Variants in ZNF729 observed in about 807,000 individuals in gnomAD.
The protein encoded by ZNF729 is zinc finger protein 729.
ZNF729 carries 15 observed loss-of-function variants against 12.2 expected under a neutral mutation model. That is an observed-to-expected ratio of 1.23 (90% confidence interval 0.82 to 1.89). The LOEUF is 1.89. ZNF729 is among the 40% of genes most tolerant of loss of function. The pLI is 0.00. For missense variants in ZNF729, 1,540 were observed against 1,456.7 expected (o/e 1.06, Z -0.93); for synonymous variants, 492 against 476.3 (o/e 1.03, Z -0.43).
chr19:22,298,391 A>G (rs1342020246), intron 1 of ZNF729, among the ~76,000 whole-genome samples: 1 of 152,222 alleles, frequency 6.6e-6, no homozygotes, highest in Admixed American at 6.5e-5. Context: ...TACATTAGTT[A>G]TTTATACTTA....
intron 3 of ZNF729, among the ~76,000 whole-genome samples, chr19:22,306,065 C>T (rs2145052109): frequency 6.6e-6 from 1 of 152,226 alleles, no homozygotes; most frequent in Non-Finnish European, 1.5e-5. Context: ...GTCAGCCCAC[C>T]TTGGCCTCCC....
chr19:22,315,016 C>T lies in ZNF729; in HGVS notation c.1599C>T (p.Asn533=). The change falls in exon 4 of 4, where the codon AAC becomes AAT. Residue 533 remains asparagine, a synonymous_variant. Transcript: ENST00000601693. The part of the protein sequence containing the change: ...KAFSQSSTLR[N]HQIIHTGEKP... The stretch of plus-strand genomic sequence containing the variant: ...TTAGCCAGTCCTCAACCCTTAGAAA[C>T]CATCAGATAATTCATACTGGAGAGA... 1 of 1,584,284 alleles carries T rather than the reference C, an allele frequency of 6.3e-7. No individual in the cohort carries two copies. The highest frequency in any genetic ancestry group is 8.6e-7 in the Non-Finnish European group (1 of 1,168,164).
In ZNF729 at chr19:22,316,151, G is replaced by A. The variant is rs764572403; in HGVS notation, c.2734G>A (p.Glu912Lys). 7.6e-5 allele frequency: 120 copies of A among 1,578,540 alleles called. 2 individuals carry two copies. In the Middle Eastern group the frequency reaches 7.4e-3, roughly 98 times the overall value. The change falls in exon 4 of 4, where the codon GAA becomes AAA. Residue 912 changes from glutamate to lysine, a missense_variant. By Grantham distance (56) the Glu-to-Lys change is moderately conservative (BLOSUM62 1). Transcript: ENST00000601693. ...TGCAGAGAAACCCTGTAAATGTGAA[G>A]AATGTGGCAAAGCTTTTAAGCATTT... is the stretch of plus-strand genomic sequence containing the variant. The part of the protein sequence containing the change: ...HTAEKPCKCE[E>K]CGKAFKHFSA...
Position 22,315,596 on chromosome 19 carries a change from C to T in ZNF729, c.2179C>T (p.Leu727Phe), listed in dbSNP as rs762375942. ...CGKAFKWSSKLTVHKVIHTAE... is the reference protein window; with the variant it reads ...CGKAFKWSSKFTVHKVIHTAE... ...TAAAGCTTTTAAGTGGTCATCAAAA[C>T]TTACTGTACATAAGGTAATTCATAC... Residue 727 changes from leucine (L) to phenylalanine (F), a missense_variant, in exon 4 of 4, where the codon CTT (leucine) becomes TTT (phenylalanine). By Grantham distance (22) the Leu-to-Phe change is conservative (BLOSUM62 0). Transcript: ENST00000601693. The T allele has an allele frequency of 1.4e-5, 23 of 1,609,086 alleles. No homozygotes were observed. The South Asian group carries it at 1.9e-4, about 13-fold the overall frequency.
Position 22,314,700 on chromosome 19 carries a change from G to C in ZNF729, c.1283G>C (p.Gly428Ala). 6.2e-7 allele frequency: 1 copy of C among 1,612,750 alleles called. No individual in the cohort carries two copies. The highest frequency in any genetic ancestry group is 1.1e-5 in the South Asian group (1 of 91,040). Residue 428 changes from glycine (G) to alanine (A), a missense_variant, in exon 4 of 4, where the codon GGA becomes GCA. Coordinates refer to ENST00000601693, the MANE Select transcript of ZNF729 (RefSeq NM_001242680.2). The part of the protein sequence containing the change: ...TLKKHKIIHT[G>A]KKPYKCEECG... ...AAAAAACATAAGATAATTCATACTGGAAAGAAACCCTACAAATGTGAAGAA... is the reference window on the plus strand; with the variant it reads ...AAAAAACATAAGATAATTCATACTGCAAAGAAACCCTACAAATGTGAAGAA...
chr19:22,292,788 G>T (rs1461748168), intron 1 of ZNF729, among the ~76,000 whole-genome samples: 1 of 152,168 alleles, frequency 6.6e-6, no homozygotes, highest in African/African-American at 2.4e-5. Context: ...CATTTAGGTT[G>T]ATTCCATGTC....
At position 22,316,844 on chromosome 19, in the gene ZNF729, C is replaced by G; in HGVS notation, c.3427C>G (p.Gln1143Glu). 6.2e-7 allele frequency: 1 copy of G among 1,612,808 alleles called. No homozygotes were observed. The highest frequency in any genetic ancestry group is 8.5e-7 in the Non-Finnish European group (1 of 1,179,846). The change falls in exon 4 of 4, where the codon CAG becomes GAG. Residue 1143 changes from glutamine (Q) to glutamate (E), a missense_variant. Coordinates refer to ENST00000601693, the MANE Select transcript of ZNF729 (RefSeq NM_001242680.2). ...KCEECGKAFS[Q>E]SSILTKHKII... is the part of the protein sequence containing the mutation. ...TGAAGAATGTGGCAAAGCCTTTAGTCAGTCCTCAATCCTTACTAAACATAA... is the reference window on the plus strand; with the variant it reads ...TGAAGAATGTGGCAAAGCCTTTAGTGAGTCCTCAATCCTTACTAAACATAA...
rs1477444655 is a variant in ZNF729, at chr19:22,314,539, A to G, written c.1122A>G (p.Lys374=). The change falls in exon 4 of 4, where the codon AAA becomes AAG. Residue 374 remains lysine (K), a synonymous_variant. Coordinates refer to ENST00000601693, the MANE Select transcript of ZNF729 (RefSeq NM_001242680.2). ...RKHEIIHTGE[K]PYKCEECGKA... ...ATGAGATAATTCATACTGGAGAGAAACCCTACAAATGTGAAGAATGTGGTA... is the reference window on the plus strand; with the variant it reads ...ATGAGATAATTCATACTGGAGAGAAGCCCTACAAATGTGAAGAATGTGGTA... 6.2e-7 allele frequency: 1 copy of G among 1,611,696 alleles called. No individual in the cohort carries two copies. Among genetic ancestry groups the G allele is most frequent in the Non-Finnish European group, 8.5e-7 (1 of 1,179,746 alleles).
intron 3 of ZNF729, among the ~76,000 whole-genome samples, chr19:22,311,993 A>C (rs544985649): frequency 1.3e-5 from 2 of 151,970 alleles, no homozygotes; most frequent in South Asian, 2.1e-4. Context: ...ATATTTTGTC[A>C]TATGTAAGAA....
intron 1 of ZNF729, among the ~76,000 whole-genome samples, chr19:22,294,465 A>G (rs1046304876): frequency 3.9e-5 from 6 of 151,994 alleles, no homozygotes; most frequent in Admixed American, 2.6e-4. Context: ...TTTTCCTTCC[A>G]TATGAATTTT....
intron 1 of ZNF729, among the ~76,000 whole-genome samples, chr19:22,287,609 C>T (rs556280902): frequency 1.3e-5 from 2 of 151,960 alleles, no homozygotes; most frequent in African/African-American, 4.8e-5. Context: ...ACTAGAGCCA[C>T]CTCAGTCTAA....
intron 1 of ZNF729, among the ~76,000 whole-genome samples, chr19:22,302,836 C>T (rs374509091): frequency 1.3e-5 from 2 of 151,084 alleles, no homozygotes; most frequent in African/African-American, 2.4e-5. Flanking sequence ...ATTTCTAGAG[C>T]GGGAGTGCAG....
rs146356212 is a variant in ZNF729 at position 22,294,957 on chromosome 19, G to A, written c.30+8402G>A. ...CAGGCATGAGCTACCGTGCCTGGCC[G>A]TCTGTGACTCTTTAAGCAGTGTTTT... On this transcript the variant is annotated intron_variant, in intron 1 of 3. Transcript: ENST00000601693. Among the ~76,000 whole-genome samples the A allele has an allele frequency of 1.7e-3, 260 of 151,786 alleles. 1 individual carries two copies. The highest frequency in any genetic ancestry group is 5.9e-3 in the African/African-American group (243 of 41,396).
intron 1 of ZNF729, 25 bp downstream of exon 1, chr19:22,286,580 C>T: frequency 6.2e-7 from 1 of 1,613,916 alleles, no homozygotes; most frequent in South Asian, 1.1e-5. Context: ...TCCGACATCC[C>T]GAGAAGGGGA....
intron 3 of ZNF729, among the ~76,000 whole-genome samples, chr19:22,307,316 ATTTTTTTT>A (rs35650592): frequency 4.6e-4 from 44 of 95,298 alleles, no homozygotes; most frequent in African/African-American, 1.6e-3. Flanking sequence ...ACAATGTAGC[ATTTTTTTT>A]TTTTTTTTTT....
intron 3 of ZNF729, among the ~76,000 whole-genome samples, chr19:22,306,364 G>A (rs990902379): frequency 4.6e-5 from 7 of 151,384 alleles, no homozygotes; most frequent in African/African-American, 9.7e-5. Context: ...AGTTGAACCC[G>A]GAGGTGCAGG....
Position 22,315,596 on chromosome 19 carries a change from C to G in ZNF729, c.2179C>G (p.Leu727Val). 1.2e-6 allele frequency: 2 copies of G among 1,609,086 alleles called. No homozygotes were observed. The highest frequency in any genetic ancestry group is 1.7e-5 in the Admixed American group (1 of 59,902). ...TAAAGCTTTTAAGTGGTCATCAAAA[C>G]TTACTGTACATAAGGTAATTCATAC... ...CGKAFKWSSK[L>V]TVHKVIHTAE... The change falls in exon 4 of 4, where the codon CTT (leucine) becomes GTT (valine). Residue 727 changes from leucine to valine, a missense_variant. Transcript: ENST00000601693.
intron 3 of ZNF729, among the ~76,000 whole-genome samples, chr19:22,312,170 T>C (rs1464654844): frequency 2.6e-5 from 4 of 152,124 alleles, no homozygotes; most frequent in Non-Finnish European, 5.9e-5. Context: ...TTCAGTGTTA[T>C]TTAATTTATT....
intron 1 of ZNF729, among the ~76,000 whole-genome samples, chr19:22,287,390 C>A (rs1968093483): frequency 2.0e-5 from 3 of 151,894 alleles, no homozygotes; most frequent in Admixed American, 2.0e-4. Flanking sequence ...CCTCAGCTTC[C>A]TGAGTAGCTG....
Sources: allele counts gnomAD v4.1 joint callset (sites outside exome capture counted in the v4.1 genomes callset), GRCh38; gene constraint gnomAD v4.1.1; transcripts MANE v1.5; gene names NCBI Gene and HGNC (gene_info 2026-07-23, HGNC 2026-07-21).